USP40: variants seen among roughly 807,000 people sequenced by gnomAD.
The protein encoded by USP40 is ubiquitin carboxyl-terminal hydrolase 40.
In USP40, 143 loss-of-function variants were observed where a neutral mutation model predicts 166.2. That is an observed-to-expected ratio of 0.86 (90% CI 0.75 to 0.99). USP40 has a LOEUF of 0.99. Ranked by LOEUF, USP40 falls within the 50% of genes least tolerant of loss-of-function variation. The probability of loss-of-function intolerance (pLI) is 0.00; values close to 1 mark genes in which losing one functional copy is unlikely to be tolerated. For missense variants in USP40, 1,444 were observed against 1,479.7 expected (o/e 0.98, Z 0.40); for synonymous variants, 498 against 524.0 (o/e 0.95, Z 0.68).
intron 18 of USP40, among the ~76,000 whole-genome samples, chr2:233,515,876 T>C (rs2067153518): frequency 6.6e-6 from 1 of 152,248 alleles, no homozygotes; most frequent in Admixed American, 6.5e-5. Flanking sequence ...GAAGTAAAGC[T>C]TGAGGTTCAT....
At chr2:233,524,136 G>T (rs1362370121) in intron 15 of USP40, among the ~76,000 whole-genome samples, 1 of 152,016 alleles carries the variant, frequency 6.6e-6, no homozygotes, top group African/African-American at 2.4e-5. Flanking sequence ...TCATTACAAT[G>T]ACTTTTTTTT....
chr2:233,559,054 T>TAAAC (rs2071347398), intron 4 of USP40, among the ~76,000 whole-genome samples: 1 of 152,192 alleles, frequency 6.6e-6, no homozygotes, highest in Admixed American at 6.5e-5. Context: ...CCTATACCTG[T>TAAAC]CTTTGCAGGA....
In USP40 at chr2:233,519,608, G is replaced by A; in HGVS notation, c.2383+6C>T. 7.0e-7 allele frequency: 1 copy of A among 1,433,752 alleles called. No individual in the cohort carries two copies. Among genetic ancestry groups the A allele is most frequent in the Non-Finnish European group, 9.6e-7 (1 of 1,045,804 alleles). 88.8% of individuals were successfully genotyped at this position (1,433,752 alleles called of 1,614,324 possible). ...TAAGAACCGAAAAGAAAATGTAAAT[G>A]ATTACCTAGTTCCTTCATTAATTTT... On this transcript the variant is annotated splice_donor_region_variant and intron_variant, in intron 18 of 31. Coordinates refer to ENST00000678225, the MANE Select transcript of USP40 (RefSeq NM_001365479.2).
chr2:233,549,263 T>A (rs747571307), intron 7 of USP40, 34 bp from the exon 8 acceptor site: 1 of 1,209,480 alleles, frequency 8.3e-7, no homozygotes, highest in African/African-American at 1.5e-5. Context: ...ATTGATATAG[T>A]TTTCATAAAA....
At chr2:233,563,576 T>C (rs968246818) in intron 2 of USP40, among the ~76,000 whole-genome samples, 1 of 152,176 alleles carries the variant, frequency 6.6e-6, no homozygotes, top group African/African-American at 2.4e-5. Context: ...AATCTACAAG[T>C]TAAAGCATAA....
intron 6 of USP40, 63 bp downstream of exon 6, chr2:233,554,317 A>T: frequency 6.9e-7 from 1 of 1,451,160 alleles, no homozygotes; most frequent in Non-Finnish European, 9.1e-7. Context: ...ACTTTTTCAT[A>T]CAAGTTGACT....
chr2:233,547,678 CT>C (rs2070106177), intron 8 of USP40, among the ~76,000 whole-genome samples: 1 of 152,194 alleles, frequency 6.6e-6, no homozygotes, highest in Admixed American at 6.5e-5. Flanking sequence ...CCGGTTAGCA[CT>C]TTCCCTCAGA....
At chr2:233,520,041 A>C (rs982202806) in intron 17 of USP40, among the ~76,000 whole-genome samples, 4 of 152,168 alleles carry the variant, frequency 2.6e-5, no homozygotes, top group African/African-American at 7.2e-5. Flanking sequence ...ACATTTCTCT[A>C]TGTCAGGAAT....
At chr2:233,552,081 C>T (rs917027295) in intron 6 of USP40, among the ~76,000 whole-genome samples, 2 of 151,998 alleles carry the variant, frequency 1.3e-5, no homozygotes, top group African/African-American at 2.4e-5. Context: ...CTGTGCCCAA[C>T]CTCTTGGATT....
In USP40 at chr2:233,542,011, T is replaced by C. The variant is rs915361914; in HGVS notation, c.1062+257A>G. Among the ~76,000 whole-genome samples the C allele has an allele frequency of 7.9e-5, 12 of 152,206 alleles. 1 individual carries two copies. The highest frequency in any genetic ancestry group is 7.9e-4 in the Admixed American group (12 of 15,280). ...TAACTGTCAGTATCTGGCCTACTTA[T>C]ACTTTTTATCTTTTGTATATATTTT... On this transcript the variant is annotated intron_variant, in intron 9 of 31. Transcript: ENST00000678225.
chr2:233,555,659 C>T (rs373599460), intron 5 of USP40, among the ~76,000 whole-genome samples: 97 of 127,266 alleles, frequency 7.6e-4, no homozygotes, highest in Non-Finnish European at 1.3e-3. Flanking sequence ...TTTTTTGAGA[C>T]GGAGCCTTGC....
At chr2:233,538,488 A>C (rs905506628) in intron 10 of USP40, among the ~76,000 whole-genome samples, 1 of 152,232 alleles carries the variant, frequency 6.6e-6, no homozygotes, top group African/African-American at 2.4e-5. Context: ...GAAATGAAAA[A>C]GGAATCATAA....
At chr2:233,496,162 T>G (rs1265536079) in intron 24 of USP40, among the ~76,000 whole-genome samples, 1 of 152,242 alleles carries the variant, frequency 6.6e-6, no homozygotes, top group Non-Finnish European at 1.5e-5. Flanking sequence ...CAAACAGTTA[T>G]CTGAGTCTTG....
intron 18 of USP40, among the ~76,000 whole-genome samples, chr2:233,517,904 A>C (rs1316528870): frequency 6.6e-6 from 1 of 151,714 alleles, no homozygotes; most frequent in Non-Finnish European, 1.5e-5. Flanking sequence ...GGAAACTATT[A>C]TTATAAGTGA....
intron 28 of USP40, among the ~76,000 whole-genome samples, chr2:233,487,321 C>T (rs538288910): frequency 3.9e-5 from 6 of 152,230 alleles, no homozygotes; most frequent in Admixed American, 6.5e-5. Context: ...AATACCTAGA[C>T]GATGAAATAG....
intron 1 of USP40, among the ~76,000 whole-genome samples, chr2:233,565,958 T>C (rs1377461): frequency 0.8 from 122,299 of 152,048 alleles, 49,358 homozygotes; most frequent in East Asian, 0.96. Context: ...GAAAACCTGT[T>C]GCCACAACTA....
In USP40 at chr2:233,485,574, C is replaced by T. The variant is rs1248931021; in HGVS notation, c.3461G>A (p.Gly1154Glu). ...TCCGTCTTTCAAGTAATACGGTGCC[C>T]CTTGCAAATAATCTTGTTTTTTTTT... ...KKKKKQDYLQ[G>E]APYYLKDGDT... The change falls in exon 30 of 32, where the codon GGG becomes GAG. Residue 1154 changes from glycine to glutamate, a missense_variant. Coordinates refer to ENST00000678225, the MANE Select transcript of USP40 (RefSeq NM_001365479.2). 6.2e-7 allele frequency: 1 copy of T among 1,613,918 alleles called. No homozygotes were observed. Among genetic ancestry groups the T allele is most frequent in the East Asian group, 2.2e-5 (1 of 44,890 alleles).
intron 18 of USP40, among the ~76,000 whole-genome samples, chr2:233,519,130 A>G (rs838547): frequency 6.6e-6 from 1 of 151,964 alleles, no homozygotes; most frequent in African/African-American, 2.4e-5. Context: ...GTACAGGGAT[A>G]TTTTTGGAGT....
rs1344226973 is a variant in USP40, at chr2:233,545,799, T to C, written c.966+3302A>G. Reference sequence around the variant, plus strand: ...GCTGAACTGTAAGTGGAAAGAACACTACCTGGCTACGATTAGAATATTTGG... The same window carrying C: ...GCTGAACTGTAAGTGGAAAGAACACCACCTGGCTACGATTAGAATATTTGG... On this transcript the variant is annotated intron_variant, in intron 8 of 31. Coordinates refer to ENST00000678225, the MANE Select transcript of USP40 (RefSeq NM_001365479.2). The C allele has an allele frequency of 2.4e-5, 5 of 211,324 alleles. No homozygotes were observed. The South Asian group carries it at 4.0e-4, about 17-fold the overall frequency. The allele number at this position is 211,324 out of a possible 1,614,324, so 13.1% of individuals were successfully genotyped here.
Sources: allele counts gnomAD v4.1 joint callset (sites outside exome capture counted in the v4.1 genomes callset), GRCh38; gene constraint gnomAD v4.1.1; transcripts MANE v1.5; gene names NCBI Gene and HGNC (gene_info 2026-07-23, HGNC 2026-07-21).